VIPR1: variants seen among roughly 807,000 people sequenced by gnomAD.
The protein encoded by VIPR1 is vasoactive intestinal peptide receptor 1.
Under a neutral mutation model 58.8 loss-of-function variants are expected in VIPR1, and 59 were observed. That is an observed-to-expected ratio of 1.00 (90% CI 0.81 to 1.25). The LOEUF (loss-of-function observed/expected upper bound fraction) is 1.25. VIPR1 is among the 50% of genes most tolerant of loss of function. The pLI, the probability that VIPR1 is intolerant of heterozygous loss-of-function variation, is 0.00. For missense variants in VIPR1, 626 were observed against 602.7 expected (o/e 1.04, Z -0.40); for synonymous variants, 251 against 242.1 (o/e 1.04, Z -0.34).
chr3:42,527,025 C>G (rs1209522800), intron 4 of VIPR1, among the ~76,000 whole-genome samples: 1 of 152,132 alleles, frequency 6.6e-6, no homozygotes, highest in Non-Finnish European at 1.5e-5. Flanking sequence ...GACCCCACCC[C>G]TAGGGTGCCC....
At chr3:42,508,045 G>A (rs570328941) in intron 1 of VIPR1, 3 of 151,898 alleles carry the variant, frequency 2.0e-5, no homozygotes, top group South Asian at 2.1e-4. Flanking sequence ...AAATCAGTAC[G>A]GGGCGAAGGT....
At position 42,527,541 on chromosome 3, in the gene VIPR1, G is replaced by A. The variant is rs183946811; in HGVS notation, c.503+45G>A. The A allele has an allele frequency of 3.1e-6, 5 of 1,593,316 alleles. No individual in the cohort carries two copies. The East Asian group carries it at 9.0e-5, about 29-fold the overall frequency. ...ACAGGCCTCAAAGCAAACCTGGCAA[G>A]TGTCCCTCCCACAGTGGAGCCCAGC... is the stretch of plus-strand genomic sequence containing the variant. On this transcript the variant is annotated intron_variant, in intron 5 of 12. Transcript: ENST00000325123.
At chr3:42,498,694 A>C (rs554907759), upstream of VIPR1, among the ~76,000 whole-genome samples, 4 of 152,256 alleles carry the variant, frequency 2.6e-5, no homozygotes, top group East Asian at 7.7e-4. Context: ...TCCTAGATGC[A>C]GGTGTAGCAC....
At chr3:42,505,372 C>G (rs1294924354) in intron 1 of VIPR1, among the ~76,000 whole-genome samples, 1 of 152,248 alleles carries the variant, frequency 6.6e-6, no homozygotes, top group Non-Finnish European at 1.5e-5. Context: ...GGCTCGACTT[C>G]TCCCCAACTC....
intron 6 of VIPR1, among the ~76,000 whole-genome samples, chr3:42,528,862 G>A (rs1159037424): frequency 6.6e-6 from 1 of 152,108 alleles, no homozygotes; most frequent in Non-Finnish European, 1.5e-5. Context: ...TTATATCAGG[G>A]GTCAGCAGTA....
chr3:42,510,584 T>C (rs1700313968), intron 1 of VIPR1, among the ~76,000 whole-genome samples: 1 of 152,114 alleles, frequency 6.6e-6, no homozygotes, highest in African/African-American at 2.4e-5. Context: ...TGTTGAAGGA[T>C]TGATGCAGTC....
Position 42,522,215 on chromosome 3 carries a change from C to T in VIPR1, c.292+2885C>T, listed in dbSNP as rs185230428. 7.3e-3 allele frequency among the ~76,000 whole-genome samples: 1,053 copies of T among 144,318 alleles called. 11 individuals are homozygous for T. Among genetic ancestry groups the T allele is most frequent in the African/African-American group, 0.026 (1,017 of 39,148 alleles). The allele number at this position is 144,318 out of a possible 152,430, so 94.7% of individuals were successfully genotyped here. A position where few individuals can be genotyped will look rare whatever the true frequency, so the allele number is the denominator to read the frequency against. On this transcript the variant is annotated intron_variant, in intron 3 of 12. Coordinates refer to ENST00000325123, the MANE Select transcript of VIPR1 (RefSeq NM_004624.4). ...CAACCTCCGCCTTCCGGGTCCACAC[C>T]ATTCTCCTGCCTCAGCCTCCCCAGT... is the stretch of plus-strand genomic sequence containing the variant.
chr3:42,502,980 T>C (rs1014375819), intron 1 of VIPR1, among the ~76,000 whole-genome samples, 167 bp downstream of exon 1: 8 of 152,150 alleles, frequency 5.3e-5, no homozygotes, highest in Non-Finnish European at 1.2e-4. Context: ...AGACCGAACC[T>C]AGACGCGAGG....
chr3:42,515,140 G>A (rs922116996), intron 2 of VIPR1, among the ~76,000 whole-genome samples: 1 of 152,224 alleles, frequency 6.6e-6, no homozygotes, highest in Non-Finnish European at 1.5e-5. Context: ...GGAGCAGGGA[G>A]CATCTTTACG....
At chr3:42,515,928 T>G (rs1339198182) in intron 2 of VIPR1, among the ~76,000 whole-genome samples, 1 of 152,226 alleles carries the variant, frequency 6.6e-6, no homozygotes, top group African/African-American at 2.4e-5. Flanking sequence ...CAGACATGTC[T>G]GTCTCTCTGA....
chr3:42,492,138 T>C (rs1699676175), intron 1 of VIPR1, among the ~76,000 whole-genome samples: 1 of 151,980 alleles, frequency 6.6e-6, no homozygotes, highest in African/African-American at 2.4e-5. Context: ...TCCCCTCTCA[T>C]TTTTTTCTTC....
At chr3:42,505,337 A>T (rs1182257937) in intron 1 of VIPR1, among the ~76,000 whole-genome samples, 2 of 152,254 alleles carry the variant, frequency 1.3e-5, no homozygotes, top group Non-Finnish European at 2.9e-5. Flanking sequence ...TGCCCCCAGA[A>T]GGAGGAGTCC....
chr3:42,502,221 G>A (rs557918918), upstream of VIPR1: 58 of 152,816 alleles, frequency 3.8e-4, no homozygotes, highest in Non-Finnish European at 6.6e-4. Context: ...AACCCTCGGA[G>A]ACGCACAGGT....
chr3:42,520,991 G>A (rs937274706), intron 3 of VIPR1, among the ~76,000 whole-genome samples: 1 of 152,124 alleles, frequency 6.6e-6, no homozygotes, highest in African/African-American at 2.4e-5. Context: ...CCTCTGGCAG[G>A]TTTCACAGTG....
chr3:42,518,824 T>C lies in VIPR1; in HGVS notation c.185-399T>C, dbSNP rs532557986. Among the ~76,000 whole-genome samples, 9 of 152,382 alleles carry C rather than the reference T, an allele frequency of 5.9e-5. No homozygotes were observed. The South Asian group carries it at 1.9e-3, about 32-fold the overall frequency. ...TATGAAAGGTTTTCACCTATACATATGCCCAGTGGCTCATCTGGAAGCCAT... is the reference window on the plus strand; with the variant it reads ...TATGAAAGGTTTTCACCTATACATACGCCCAGTGGCTCATCTGGAAGCCAT... On this transcript the variant is annotated intron_variant, in intron 2 of 12. Coordinates refer to ENST00000325123, the MANE Select transcript of VIPR1 (RefSeq NM_004624.4).
intron 1 of VIPR1, among the ~76,000 whole-genome samples, chr3:42,510,819 G>A (rs1700326722): frequency 6.6e-6 from 1 of 152,140 alleles, no homozygotes; most frequent in African/African-American, 2.4e-5. Context: ...CTGCCTCTAA[G>A]GAAGGGCTGT....
At chr3:42,527,309 T>C (rs1577243794) in intron 4 of VIPR1, 84 bp from the exon 5 acceptor site, 3 of 1,312,384 alleles carry the variant, frequency 2.3e-6, no homozygotes, top group Non-Finnish European at 3.3e-6. Flanking sequence ...AGGCAGAGTG[T>C]GTAGGGCACC....
Position 42,534,994 on chromosome 3 carries a change from C to A in VIPR1, c.1030C>A (p.Leu344Ile). The A allele has an allele frequency of 1.2e-6, 2 of 1,614,228 alleles. No individual in the cohort carries two copies. Among genetic ancestry groups the A allele is most frequent in the Non-Finnish European group, 1.7e-6 (2 of 1,180,026 alleles). ...SPYSRLARSTLLLIPLFGVHY... is the reference protein window; with the variant it reads ...SPYSRLARSTILLIPLFGVHY... ...CTCCAGAAGGCTAGCCAGGTCCACA[C>A]TCCTGCTGATCCCCCTGTTTGGAGT... The change falls in exon 11 of 13, where the codon CTC becomes ATC. Residue 344 changes from leucine (L) to isoleucine (I), a missense_variant. Physicochemically the swap from Leu to Ile is conservative, Grantham distance 5. Coordinates refer to ENST00000325123, the MANE Select transcript of VIPR1 (RefSeq NM_004624.4).
Position 42,513,870 on chromosome 3 carries a change from G to T in VIPR1, c.184+16G>T, listed in dbSNP as rs1250308725. ...GAGACAATAGGTGAGGCCCCCATGGGCAGAGAGGGGCTGCATGCCCCCAGG... is the reference window on the plus strand; with the variant it reads ...GAGACAATAGGTGAGGCCCCCATGGTCAGAGAGGGGCTGCATGCCCCCAGG... On this transcript the variant is annotated intron_variant, in intron 2 of 12. Coordinates refer to ENST00000325123, the MANE Select transcript of VIPR1 (RefSeq NM_004624.4). The T allele has an allele frequency of 6.4e-7, 1 of 1,550,768 alleles. No individual in the cohort carries two copies. Among genetic ancestry groups the T allele is most frequent in the East Asian group, 2.4e-5 (1 of 40,912 alleles).
Sources: allele counts gnomAD v4.1 joint callset (sites outside exome capture counted in the v4.1 genomes callset), GRCh38; gene constraint gnomAD v4.1.1; transcripts MANE v1.5; gene names NCBI Gene and HGNC (gene_info 2026-07-23, HGNC 2026-07-21).